The following SMCHD1 variants were observed in gnomAD, a reference collection of about 807,000 sequenced individuals.
SMCHD1 encodes structural maintenance of chromosomes flexible hinge domain containing 1.
SMCHD1 carries 78 observed loss-of-function variants against 254.7 expected under a neutral mutation model. The observed-to-expected ratio is 0.31, with a 90% confidence interval of 0.26 to 0.37. SMCHD1 has a LOEUF of 0.37. Ranked by LOEUF, SMCHD1 falls within the 10% of genes least tolerant of loss-of-function variation. The pLI, the probability that SMCHD1 is intolerant of heterozygous loss-of-function variation, is 1.00. For synonymous variants in SMCHD1, 766 were observed against 794.9 expected (o/e 0.96, Z 0.61); for missense variants, 1,840 against 2,408.1 (o/e 0.76, Z 4.94).
At chr18:2,756,711 C>A (rs917295102) in intron 34 of SMCHD1, among the ~76,000 whole-genome samples, 1 of 152,150 alleles carries the variant, frequency 6.6e-6, no homozygotes, top group Admixed American at 6.5e-5. Flanking sequence ...TCTCCTGCCT[C>A]AGCCTCCCAA....
At chr18:2,725,333 G>A (rs1598371033) in intron 21 of SMCHD1, among the ~76,000 whole-genome samples, 1 of 143,024 alleles carries the variant, frequency 7.0e-6, no homozygotes, top group African/African-American at 2.6e-5. Flanking sequence ...TACTGTTTCT[G>A]TCCACTTTTG....
intron 44 of SMCHD1, among the ~76,000 whole-genome samples, chr18:2,783,036 C>T (rs1218980081): frequency 6.6e-6 from 1 of 152,082 alleles, no homozygotes; most frequent in African/African-American, 2.4e-5. Context: ...TTATATAATT[C>T]AGAGACTATT....
chr18:2,776,386 T>C (rs1030264479), intron 42 of SMCHD1, among the ~76,000 whole-genome samples: 2 of 136,142 alleles, frequency 1.5e-5, no homozygotes, highest in African/African-American at 2.6e-5. Context: ...CATGCCCAGC[T>C]AAATTTTTTT....
intron 5 of SMCHD1, among the ~76,000 whole-genome samples, chr18:2,687,965 C>T (rs2074089998): frequency 6.6e-6 from 1 of 152,164 alleles, no homozygotes; most frequent in South Asian, 2.1e-4. Context: ...GTGCACTGTT[C>T]CCTCAGAGCT....
At chr18:2,757,690 C>A (rs974474064) in intron 34 of SMCHD1, among the ~76,000 whole-genome samples, 35 of 151,882 alleles carry the variant, frequency 2.3e-4, no homozygotes, top group African/African-American at 8.0e-4. Context: ...TCCAAATATA[C>A]TAGATAATAA....
At chr18:2,755,960 C>T (rs985120479) in intron 34 of SMCHD1, among the ~76,000 whole-genome samples, 3 of 152,102 alleles carry the variant, frequency 2.0e-5, no homozygotes, top group Admixed American at 6.6e-5. Context: ...AATCTGGTTT[C>T]GAATCTCAAA....
rs2074301209 is a variant in SMCHD1, at chr18:2,697,116, T to C, written c.1125T>C (p.Asp375=). 5.7e-6 allele frequency: 8 copies of C among 1,413,010 alleles called. No individual in the cohort carries two copies. In the Middle Eastern group the frequency reaches 1.3e-3, roughly 222 times the overall value. The allele number at this position is 1,413,010 out of a possible 1,614,324, so 87.5% of individuals were successfully genotyped here. ...SKEVEPFNNI[D]IEISMFEKGK... ...AAGTTGAACCTTTCAACAATATTGA[T>C]ATTGAAGTAAGAGAAAAATCCATCT... The change falls in exon 9 of 48, where the codon GAT becomes GAC. Residue 375 remains aspartate (D), a synonymous_variant. Transcript: ENST00000320876.
At chr18:2,675,840 C>T (rs1456582823) in intron 5 of SMCHD1, among the ~76,000 whole-genome samples, 1 of 152,234 alleles carries the variant, frequency 6.6e-6, no homozygotes, top group Admixed American at 6.5e-5. Context: ...CTCTCTAGTT[C>T]TTAGAACAAA....
chr18:2,681,487 A>T (rs896849581), intron 5 of SMCHD1, among the ~76,000 whole-genome samples: 2 of 151,150 alleles, frequency 1.3e-5, no homozygotes, highest in African/African-American at 4.9e-5. Flanking sequence ...CAGGAGGCTA[A>T]GATGAGAGGA....
chr18:2,692,412 A>G (rs2074200370), intron 7 of SMCHD1, among the ~76,000 whole-genome samples: 1 of 152,132 alleles, frequency 6.6e-6, no homozygotes, highest in Non-Finnish European at 1.5e-5. Flanking sequence ...ATTATCCGTA[A>G]ACCTTTCTTA....
In SMCHD1 at chr18:2,707,356, T is replaced by G. The variant is rs183763152; in HGVS notation, c.2064-207T>G. 6.2e-4 allele frequency: 210 copies of G among 336,228 alleles called. 1 individual carries two copies. The highest frequency in any genetic ancestry group is 3.3e-3 in the Middle Eastern group (4 of 1,212). The allele number at this position is 336,228 out of a possible 1,614,324, so 20.8% of individuals were successfully genotyped here. ...TCTGGCTTTTAATTCCAAAAGGTTTTTTTTTTTCTTCTTCTTTTTTTTCAG... is the reference window on the plus strand; with the variant it reads ...TCTGGCTTTTAATTCCAAAAGGTTTGTTTTTTTCTTCTTCTTTTTTTTCAG... On this transcript the variant is annotated intron_variant, in intron 15 of 47. Transcript: ENST00000320876.
At chr18:2,667,622 A>G (rs955304870) in intron 3 of SMCHD1, among the ~76,000 whole-genome samples, 3 of 152,128 alleles carry the variant, frequency 2.0e-5, no homozygotes, top group African/African-American at 7.2e-5. Context: ...TTATATGTGT[A>G]TTTGCAGGAA....
chr18:2,788,161 C>T (rs754598721), intron 45 of SMCHD1, among the ~76,000 whole-genome samples: 20 of 152,134 alleles, frequency 1.3e-4, no homozygotes, highest in Non-Finnish European at 1.5e-5. Context: ...TAAAAATTGT[C>T]AACTGCTAGC....
At chr18:2,670,842 A>T (rs901744748) in intron 3 of SMCHD1, among the ~76,000 whole-genome samples, 2 of 147,130 alleles carry the variant, frequency 1.4e-5, no homozygotes, top group African/African-American at 5.0e-5. Flanking sequence ...CGGAGCTTGT[A>T]GTGAGCTGAG....
At chr18:2,662,641 T>A (rs2143780633) in intron 1 of SMCHD1, among the ~76,000 whole-genome samples, 1 of 105,106 alleles carries the variant, frequency 9.5e-6, no homozygotes. Flanking sequence ...CAAGACTCCA[T>A]CTCAACAACA....
At chr18:2,766,704 T>A (rs1364689711) in intron 37 of SMCHD1, among the ~76,000 whole-genome samples, 1 of 152,266 alleles carries the variant, frequency 6.6e-6, no homozygotes. Flanking sequence ...GCTATTCAGA[T>A]TCACTGTATT....
chr18:2,656,834 G>T (rs1324378696), intron 1 of SMCHD1, among the ~76,000 whole-genome samples: 2 of 152,286 alleles, frequency 1.3e-5, no homozygotes, highest in South Asian at 4.1e-4. Flanking sequence ...ACTTGTCCAG[G>T]TCAGCTCTGC....
At chr18:2,757,278 A>G (rs1193068985) in intron 34 of SMCHD1, among the ~76,000 whole-genome samples, 1 of 152,062 alleles carries the variant, frequency 6.6e-6, no homozygotes, top group African/African-American at 2.4e-5. Flanking sequence ...TGGTGTGATT[A>G]TAACTCATTA....
At chr18:2,802,464 G>C (rs1376974925) in intron 47 of SMCHD1, 64 bp from the exon 48 acceptor site, 1 of 1,282,564 alleles carries the variant, frequency 7.8e-7, no homozygotes, top group Non-Finnish European at 1.1e-6. Context: ...CAGGTGTGAT[G>C]AGGGAATTCA....
Sources: allele counts gnomAD v4.1 joint callset (sites outside exome capture counted in the v4.1 genomes callset), GRCh38; gene constraint gnomAD v4.1.1; transcripts MANE v1.5; gene names NCBI Gene and HGNC (gene_info 2026-07-23, HGNC 2026-07-21).